COBL: variants seen among roughly 807,000 people sequenced by gnomAD.
COBL encodes cordon-bleu WH2 repeat protein.
A neutral mutation model predicts 98.8 loss-of-function variants in COBL; 51 were observed. The ratio of observed to expected loss-of-function variants is 0.52; its 90% CI spans 0.41 to 0.65. The LOEUF (loss-of-function observed/expected upper bound fraction) is 0.65. COBL is among the 30% of genes least tolerant of loss of function. The pLI is 0.00. For synonymous variants in COBL, 634 were observed against 651.7 expected (o/e 0.97, Z 0.41); for missense variants, 1,617 against 1,617.5 (o/e 1.00, Z 0.01).
intron 6 of COBL, among the ~76,000 whole-genome samples, chr7:51,098,495 G>A (rs1273852973): frequency 6.6e-6 from 1 of 152,136 alleles, no homozygotes; most frequent in African/African-American, 2.4e-5. Context: ...TTTGATAAAG[G>A]TGTTAACACA....
intron 6 of COBL, among the ~76,000 whole-genome samples, chr7:51,093,390 T>C (rs1794989518): frequency 6.6e-6 from 1 of 152,198 alleles, no homozygotes; most frequent in Non-Finnish European, 1.5e-5. Flanking sequence ...CCCTTGTGTA[T>C]TGTTGGTGAA....
rs374603022 is a variant in COBL, at chr7:51,028,259, A to G, written c.2837T>C (p.Val946Ala). 1 of 1,614,008 alleles carries G rather than the reference A, an allele frequency of 6.2e-7. No individual in the cohort carries two copies. Among genetic ancestry groups the G allele is most frequent in the African/African-American group, 1.3e-5 (1 of 74,944 alleles). ...PPNNHGEDLA[V>A]GAPPRGEVIG... ...GACCTCCCCCCTAGGAGGGGCTCCC[A>G]CTGCCAAATCTTCCCCGTGGTTGTT... is the stretch of plus-strand genomic sequence containing the variant. The change falls in exon 10 of 13, where the codon GTG (valine) becomes GCG (alanine). Residue 946 changes from valine to alanine, a missense_variant. Transcript: ENST00000265136.
At chr7:51,308,828 A>C (rs892654302) in intron 1 of COBL, among the ~76,000 whole-genome samples, 7 of 152,224 alleles carry the variant, frequency 4.6e-5, no homozygotes, top group African/African-American at 1.4e-4. Context: ...CATCATAAAA[A>C]GCAAAGGACG....
chr7:51,110,927 C>T (rs148459180), intron 6 of COBL, among the ~76,000 whole-genome samples: 2,142 of 152,250 alleles, frequency 0.014, 53 homozygotes, highest in African/African-American at 0.049. Flanking sequence ...TTTCTTTATC[C>T]ACTCATTGAT....
At chr7:51,291,025 C>T (rs1800841913) in intron 1 of COBL, among the ~76,000 whole-genome samples, 1 of 152,192 alleles carries the variant, frequency 6.6e-6, no homozygotes, top group South Asian at 2.1e-4. Context: ...CTGCCAGGGG[C>T]TCACAACCCT....
rs115851445 is a variant in COBL, at chr7:51,168,092, C to A, written c.783+16010G>T. Among the ~76,000 whole-genome samples, 1,161 of 151,358 alleles carry A rather than the reference C, an allele frequency of 7.7e-3. 16 individuals carry two copies. The highest frequency in any genetic ancestry group is 0.026 in the African/African-American group (1,097 of 41,400). On this transcript the variant is annotated intron_variant, in intron 5 of 12. Transcript: ENST00000265136. The stretch of plus-strand genomic sequence containing the variant: ...CACATCAAGTTTAAAAGCTTCTACA[C>A]GGCAAAGGAAACAACCCACAAAATG...
chr7:51,202,483 G>T (rs1791225889), intron 2 of COBL, among the ~76,000 whole-genome samples: 2 of 152,110 alleles, frequency 1.3e-5, no homozygotes, highest in African/African-American at 4.8e-5. Flanking sequence ...AAAAAACATG[G>T]TATATATAAA....
chr7:51,019,191 C>T (rs576960253), intron 12 of COBL, among the ~76,000 whole-genome samples: 7 of 151,508 alleles, frequency 4.6e-5, no homozygotes, highest in African/African-American at 1.5e-4. Flanking sequence ...TGCTGAAATC[C>T]CAACCTCCAA....
chr7:51,056,288 G>A lies in COBL; in HGVS notation c.1097-12596C>T, dbSNP rs114879240. On this transcript the variant is annotated intron_variant, in intron 7 of 12. Transcript: ENST00000265136. ...GAGCAGGGTAGGGGTGGCACAGCCT[G>A]AGTGTGAGCAAATGGGACCCCGAGA... 6.7e-3 allele frequency among the ~76,000 whole-genome samples: 1,016 copies of A among 152,028 alleles called. 10 individuals are homozygous for A. The highest frequency in any genetic ancestry group is 0.023 in the African/African-American group (956 of 41,450).
intron 7 of COBL, among the ~76,000 whole-genome samples, chr7:51,048,627 G>A (rs540958103): frequency 1.3e-4 from 20 of 151,494 alleles, no homozygotes; most frequent in African/African-American, 4.4e-4. Context: ...TGTACTTTAT[G>A]CTTGAGTTTT....
intron 1 of COBL, among the ~76,000 whole-genome samples, chr7:51,304,839 G>A (rs746996554): frequency 1.3e-5 from 2 of 152,122 alleles, no homozygotes; most frequent in South Asian, 2.1e-4. Flanking sequence ...AGTCATCTCC[G>A]CCTTAGTCAT....
intron 1 of COBL, among the ~76,000 whole-genome samples, chr7:51,280,058 T>C (rs1160598035): frequency 2.0e-5 from 3 of 152,102 alleles, no homozygotes; most frequent in Non-Finnish European, 2.9e-5. Flanking sequence ...CTCCTCCACA[T>C]AGAGCAGCAA....
At chr7:51,143,218 GT>G in intron 5 of COBL, among the ~76,000 whole-genome samples, 2 of 152,148 alleles carry the variant, frequency 1.3e-5, no homozygotes, top group African/African-American at 2.4e-5. Flanking sequence ...GTGTGTGTGT[GT>G]CTGTGTGACT....
chr7:51,074,969 C>T (rs193102263), intron 7 of COBL, among the ~76,000 whole-genome samples: 1 of 152,152 alleles, frequency 6.6e-6, no homozygotes, highest in East Asian at 1.9e-4. Context: ...TAATTTTTCC[C>T]AGATTCTTTA....
intron 1 of COBL, among the ~76,000 whole-genome samples, chr7:51,264,528 G>C (rs181561447): frequency 1.3e-5 from 2 of 151,540 alleles, no homozygotes; most frequent in African/African-American, 4.9e-5. Context: ...AAAATTAGCC[G>C]GTCTTGGTGG....
intron 7 of COBL, chr7:51,083,060 T>C: frequency 6.5e-7 from 1 of 1,536,172 alleles, no homozygotes; most frequent in East Asian, 2.4e-5. Flanking sequence ...GAACATACGT[T>C]TGGGTATCGG....
chr7:51,143,626 G>C (rs1171459067), intron 5 of COBL, among the ~76,000 whole-genome samples: 1 of 152,154 alleles, frequency 6.6e-6, no homozygotes, highest in African/African-American at 2.4e-5. Flanking sequence ...GACTGAAAGG[G>C]CACCACTACA....
intron 5 of COBL, among the ~76,000 whole-genome samples, chr7:51,159,459 GCTTCTCAC>G (rs1786559460): frequency 6.6e-6 from 1 of 152,236 alleles, no homozygotes; most frequent in Non-Finnish European, 1.5e-5. Flanking sequence ...AGAGAGCTCT[GCTTCTCAC>G]CTTCTCTGGT....
chr7:51,257,835 A>T (rs1797339465), intron 1 of COBL, among the ~76,000 whole-genome samples: 1 of 152,190 alleles, frequency 6.6e-6, no homozygotes, highest in Non-Finnish European at 1.5e-5. Context: ...GATTAACAAA[A>T]GCACTAAAAG....
Sources: allele counts gnomAD v4.1 joint callset (sites outside exome capture counted in the v4.1 genomes callset), GRCh38; gene constraint gnomAD v4.1.1; transcripts MANE v1.5; gene names NCBI Gene and HGNC (gene_info 2026-07-23, HGNC 2026-07-21).